Variants in PDZRN4 observed in about 807,000 individuals in gnomAD.
The protein encoded by PDZRN4 is PDZ domain-containing RING finger protein 4.
Under a neutral mutation model 99.0 loss-of-function variants are expected in PDZRN4, and 70 were observed. That is an observed-to-expected ratio of 0.71 (90% CI 0.58 to 0.86). The LOEUF (loss-of-function observed/expected upper bound fraction) is 0.86, where lower values mean the gene tolerates loss of function less well. Ranked by LOEUF, PDZRN4 falls within the 40% of genes least tolerant of loss-of-function variation. PDZRN4 has a pLI of 0.00. For synonymous variants in PDZRN4, 551 were observed against 501.6 expected, an observed-to-expected ratio of 1.10 and a Z score of -1.32; for missense variants, 1,474 against 1,331.2, an observed-to-expected ratio of 1.11 and a Z score of -1.67.
At chr12:41,527,225 C>T (rs1938583869) in intron 5 of PDZRN4, among the ~76,000 whole-genome samples, 1 of 152,134 alleles carries the variant, frequency 6.6e-6, no homozygotes, top group Non-Finnish European at 1.5e-5. Context: ...CTGACAAGCA[C>T]AGGAGGTTCC....
intron 3 of PDZRN4, among the ~76,000 whole-genome samples, chr12:41,218,906 A>C (rs565237435): frequency 6.6e-6 from 1 of 150,732 alleles, no homozygotes; most frequent in East Asian, 1.9e-4. Flanking sequence ...TTATTATTCC[A>C]ATAGCTAGGA....
intron 3 of PDZRN4, among the ~76,000 whole-genome samples, chr12:41,302,491 G>T (rs1951542541): frequency 6.6e-6 from 1 of 152,090 alleles, no homozygotes. Context: ...AAGATATAAT[G>T]ATGTACAGGA....
At chr12:41,560,880 T>C (rs1939258463) in intron 7 of PDZRN4, among the ~76,000 whole-genome samples, 1 of 152,174 alleles carries the variant, frequency 6.6e-6, no homozygotes, top group South Asian at 2.1e-4. Flanking sequence ...CTGAGTACAA[T>C]AGCATCTACC....
chr12:41,412,260 A>C (rs1952405622), intron 3 of PDZRN4: 1 of 152,324 alleles, frequency 6.6e-6, no homozygotes, highest in Admixed American at 6.5e-5. Context: ...TGACTGTTTC[A>C]CATCCAGTCG....
At chr12:41,452,205 GAATCAC>G (rs1952780618) in intron 3 of PDZRN4, among the ~76,000 whole-genome samples, 1 of 150,870 alleles carries the variant, frequency 6.6e-6, no homozygotes, top group African/African-American at 2.4e-5. Context: ...TGAGGCAGGC[GAATCAC>G]AAGGTCAGGA....
intron 3 of PDZRN4, among the ~76,000 whole-genome samples, chr12:41,206,858 T>G (rs113961443): frequency 0.017 from 2,598 of 152,056 alleles, 53 homozygotes; most frequent in African/African-American, 0.047. Context: ...CTGTGTTTCT[T>G]TTGACATTAT....
At chr12:41,326,935 C>G (rs1012776853) in intron 3 of PDZRN4, among the ~76,000 whole-genome samples, 27 of 152,120 alleles carry the variant, frequency 1.8e-4, no homozygotes, top group Admixed American at 6.5e-5. Context: ...GGAAATAATA[C>G]TGAATGACAT....
At chr12:41,314,024 T>C (rs1391231867) in intron 3 of PDZRN4, among the ~76,000 whole-genome samples, 3 of 152,234 alleles carry the variant, frequency 2.0e-5, no homozygotes, top group Non-Finnish European at 4.4e-5. Flanking sequence ...AACAGATACT[T>C]TGAGACCACC....
intron 3 of PDZRN4, among the ~76,000 whole-genome samples, chr12:41,410,771 A>G (rs983581166): frequency 1.3e-5 from 2 of 152,194 alleles, no homozygotes; most frequent in African/African-American, 4.8e-5. Context: ...ATGAAATTAC[A>G]TAACATGACG....
intron 3 of PDZRN4, among the ~76,000 whole-genome samples, chr12:41,404,689 G>T (rs1364705832): frequency 6.6e-6 from 1 of 151,206 alleles, no homozygotes; most frequent in Non-Finnish European, 1.5e-5. Flanking sequence ...CTGAAAAAGA[G>T]CATGAATAGC....
At chr12:41,535,862 A>G (rs1029681244) in intron 5 of PDZRN4, among the ~76,000 whole-genome samples, 15 of 152,308 alleles carry the variant, frequency 9.8e-5, no homozygotes, top group African/African-American at 2.6e-4. Context: ...CAGAACCATG[A>G]GGCAAATAAA....
intron 7 of PDZRN4, among the ~76,000 whole-genome samples, chr12:41,560,397 T>A (rs1939249490): frequency 6.6e-6 from 1 of 152,136 alleles, no homozygotes; most frequent in African/African-American, 2.4e-5. Context: ...TACAGGAGAT[T>A]GGGCCTAAAG....
intron 3 of PDZRN4, among the ~76,000 whole-genome samples, chr12:41,259,847 T>C (rs1951226092): frequency 6.6e-6 from 1 of 152,160 alleles, no homozygotes; most frequent in Non-Finnish European, 1.5e-5. Flanking sequence ...CTTACTAGGA[T>C]TATAAATTCT....
At chr12:41,506,305 A>T (rs1487977339) in intron 3 of PDZRN4, 151 bp from the exon 4 acceptor site, 1 of 597,068 alleles carries the variant, frequency 1.7e-6, no homozygotes, top group Non-Finnish European at 2.8e-6. Context: ...GTTGGTAAAG[A>T]CTTCAGTAAA....
In PDZRN4 at chr12:41,506,554, A is replaced by G; in HGVS notation, c.942A>G (p.Thr314=). ...TTGTGGTGCAGGTGTTAAGGCGAAC[A>G]CCTCTTAGTAGACCAGCCTATGGGA... ...EPIVVQVLRR[T]PLSRPAYGMA... Residue 314 remains threonine (T), a synonymous_variant, in exon 4 of 10, where the codon ACA becomes ACG. Transcript: ENST00000402685. The G allele has an allele frequency of 6.2e-7, 1 of 1,613,720 alleles. No individual in the cohort carries two copies. Among genetic ancestry groups the G allele is most frequent in the East Asian group, 2.2e-5 (1 of 44,812 alleles).
chr12:41,403,100 G>T (rs935797754), intron 3 of PDZRN4, among the ~76,000 whole-genome samples: 1 of 152,048 alleles, frequency 6.6e-6, no homozygotes, highest in African/African-American at 2.4e-5. Flanking sequence ...TCTTCCTCCT[G>T]CTCATTCATT....
At chr12:41,353,308 T>G (rs1037684380) in intron 3 of PDZRN4, among the ~76,000 whole-genome samples, 12 of 152,124 alleles carry the variant, frequency 7.9e-5, no homozygotes, top group African/African-American at 2.9e-4. Context: ...TCTTTTTATT[T>G]TGATATATTT....
At chr12:41,549,989 T>C (rs1212391062) in intron 5 of PDZRN4, among the ~76,000 whole-genome samples, 1 of 152,182 alleles carries the variant, frequency 6.6e-6, no homozygotes, top group Non-Finnish European at 1.5e-5. Context: ...AGGAAAATAT[T>C]GAAAAGTTAC....
chr12:41,324,814 C>A (rs1049256615), intron 3 of PDZRN4, among the ~76,000 whole-genome samples: 5 of 151,952 alleles, frequency 3.3e-5, no homozygotes, highest in African/African-American at 1.2e-4. Context: ...TATAAAAATA[C>A]CTTATCAATT....
Sources: allele counts gnomAD v4.1 joint callset (sites outside exome capture counted in the v4.1 genomes callset), GRCh38; gene constraint gnomAD v4.1.1; transcripts MANE v1.5; gene names NCBI Gene and HGNC (gene_info 2026-07-23, HGNC 2026-07-21).